Variants in SANBR observed in about 807,000 individuals in gnomAD.
SANBR encodes the protein SANT and BTB domain regulator of class switch recombination.
A neutral mutation model predicts 101.8 loss-of-function variants in SANBR; 77 were observed. The ratio of observed to expected loss-of-function variants is 0.76; its 90% CI spans 0.63 to 0.91. The LOEUF (loss-of-function observed/expected upper bound fraction) is 0.91. Ranked by LOEUF, SANBR falls within the 40% of genes least tolerant of loss-of-function variation. The probability of loss-of-function intolerance (pLI) is 0.00; values close to 1 mark genes in which losing one functional copy is unlikely to be tolerated. For synonymous variants in SANBR, 279 were observed against 274.7 expected, an observed-to-expected ratio of 1.02 and a Z score of -0.15; for missense variants, 875 against 853.0, an observed-to-expected ratio of 1.03 and a Z score of -0.32.
At chr2:61,113,083 T>C (rs754829250) in intron 16 of SANBR, among the ~76,000 whole-genome samples, 5 of 152,220 alleles carry the variant, frequency 3.3e-5, no homozygotes, top group Non-Finnish European at 7.3e-5. Flanking sequence ...GAAAAGACTA[T>C]TCTGTTCTAA....
At chr2:61,084,241 A>G (rs1232765002) in intron 8 of SANBR, among the ~76,000 whole-genome samples, 1 of 152,216 alleles carries the variant, frequency 6.6e-6, no homozygotes, top group African/African-American at 2.4e-5. Context: ...GGTGTGAGCC[A>G]CCATGCCTGG....
chr2:61,099,539 T>A (rs1573632611), intron 12 of SANBR, among the ~76,000 whole-genome samples: 1 of 152,240 alleles, frequency 6.6e-6, no homozygotes, highest in East Asian at 1.9e-4. Context: ...TGAGTTCTGT[T>A]TTGGACATTT....
At chr2:61,094,792 C>T (rs921001308) in intron 11 of SANBR, among the ~76,000 whole-genome samples, 17 of 151,936 alleles carry the variant, frequency 1.1e-4, no homozygotes, top group Admixed American at 8.5e-4. Flanking sequence ...TACTGGCATG[C>T]GCCACATCAC....
intron 12 of SANBR, 44 bp downstream of exon 12, chr2:61,097,896 A>G (rs990299943): frequency 4.6e-6 from 7 of 1,506,902 alleles, no homozygotes; most frequent in Middle Eastern, 1.7e-4. Flanking sequence ...TTTTTAAAGT[A>G]TAACAGTAAT....
At chr2:61,084,186 T>C (rs1320476774) in intron 8 of SANBR, among the ~76,000 whole-genome samples, 2 of 152,084 alleles carry the variant, frequency 1.3e-5, no homozygotes, top group Non-Finnish European at 2.9e-5. Context: ...ACTCCTGGGC[T>C]CAAGCAATCC....
intron 6 of SANBR, among the ~76,000 whole-genome samples, chr2:61,080,459 A>C (rs1210744181): frequency 6.6e-6 from 1 of 152,172 alleles, no homozygotes; most frequent in Non-Finnish European, 1.5e-5. Flanking sequence ...GTGGTGGCTC[A>C]CGCCTGTAAT....
intron 20 of SANBR, among the ~76,000 whole-genome samples, chr2:61,118,356 C>G (rs1338019150): frequency 6.6e-6 from 1 of 152,024 alleles, no homozygotes; most frequent in Non-Finnish European, 1.5e-5. Flanking sequence ...ATTCTCCTCC[C>G]TCAGCCTCCC....
chr2:61,107,596 C>A (rs1683634760), intron 14 of SANBR, among the ~76,000 whole-genome samples: 1 of 152,168 alleles, frequency 6.6e-6, no homozygotes, highest in African/African-American at 2.4e-5. Context: ...TTATAAACTT[C>A]AGACAGCTAT....
At chr2:61,072,850 T>TA (rs1681554536) in intron 4 of SANBR, among the ~76,000 whole-genome samples, 3 of 105,186 alleles carry the variant, frequency 2.9e-5, no homozygotes, top group South Asian at 2.6e-4. Flanking sequence ...TTTTTTTTTT[T>TA]ATACAGGTAC....
At chr2:61,096,990 C>T (rs1683061443) in intron 11 of SANBR, among the ~76,000 whole-genome samples, 1 of 152,054 alleles carries the variant, frequency 6.6e-6, no homozygotes, top group South Asian at 2.1e-4. Context: ...CCTGTCTCTA[C>T]TAAAAATAGA....
At chr2:61,133,162 G>A (rs1365602653) in intron 20 of SANBR, among the ~76,000 whole-genome samples, 1 of 152,150 alleles carries the variant, frequency 6.6e-6, no homozygotes, top group East Asian at 1.9e-4. Context: ...TGAGGCACAA[G>A]AATCGCTTGA....
At chr2:61,130,021 T>C (rs1391654905) in intron 20 of SANBR, among the ~76,000 whole-genome samples, 1 of 152,118 alleles carries the variant, frequency 6.6e-6, no homozygotes, top group Admixed American at 6.5e-5. Context: ...TATATCTCTT[T>C]GGAATTTATT....
In SANBR at chr2:61,123,393, G is replaced by A; in HGVS notation, c.*1231G>A. 2 of 984,426 alleles carry A rather than the reference G, an allele frequency of 2.0e-6. No individual in the cohort carries two copies. Among genetic ancestry groups the A allele is most frequent in the Non-Finnish European group, 2.4e-6 (2 of 828,910 alleles). 61.0% of individuals were successfully genotyped at this position (984,426 alleles called of 1,614,324 possible). Reference sequence around the variant, plus strand: ...GTACAGAAATCATTCTTTTTAGTGAGTCTTTTAGTTGATAAATGAAGCTAG... The same window carrying A: ...GTACAGAAATCATTCTTTTTAGTGAATCTTTTAGTTGATAAATGAAGCTAG... On this transcript the variant is annotated 3_prime_UTR_variant, in exon 22 of 22. Coordinates refer to ENST00000402291, the MANE Select transcript of SANBR (RefSeq NM_001129993.3).
rs1208324637 is a variant in SANBR, at chr2:61,123,520, CTTT to C, written c.*1360_*1362del. 1 of 969,854 alleles carries C rather than the reference CTTT, an allele frequency of 1.0e-6. No individual in the cohort carries two copies. Among genetic ancestry groups the C allele is most frequent in the Non-Finnish European group, 1.2e-6 (1 of 815,918 alleles). 60.1% of individuals were successfully genotyped at this position (969,854 alleles called of 1,614,324 possible). A position where few individuals can be genotyped will look rare whatever the true frequency, so the allele number is the denominator to read the frequency against. On this transcript the variant is annotated 3_prime_UTR_variant, in exon 22 of 22. Transcript: ENST00000402291. ...AATTGTTTGATACTGTGGAAATAGACTTTTATTTTCGAAAGAAAATGTCTTGTA... is the reference window on the plus strand; with the variant it reads ...AATTGTTTGATACTGTGGAAATAGACTATTTTCGAAAGAAAATGTCTTGTA...
At position 61,123,803 on chromosome 2, in the gene SANBR, T is replaced by C; in HGVS notation, c.*1641T>C. The C allele has an allele frequency of 5.1e-6, 5 of 985,522 alleles. No homozygotes were observed. Among genetic ancestry groups the C allele is most frequent in the Non-Finnish European group, 6.0e-6 (5 of 829,876 alleles). The allele number at this position is 985,522 out of a possible 1,614,324, so 61.0% of individuals were successfully genotyped here. A position where few individuals can be genotyped will look rare whatever the true frequency, so the allele number is the denominator to read the frequency against. On this transcript the variant is annotated 3_prime_UTR_variant, in exon 22 of 22. Transcript: ENST00000402291. ...TATCAGAATTTGATTCTCTTCAGAA[T>C]GCTTTTGGCCAGGTGTAGTGGCTCA...
chr2:61,103,790 G>C, intron 12 of SANBR, 63 bp from the exon 13 acceptor site: 1 of 1,453,980 alleles, frequency 6.9e-7, no homozygotes, highest in African/African-American at 1.4e-5. Flanking sequence ...AAGAAAAACA[G>C]TGATCTTTAA....
intron 6 of SANBR, among the ~76,000 whole-genome samples, chr2:61,078,718 G>A (rs1489634742): frequency 3.3e-5 from 5 of 151,932 alleles, no homozygotes; most frequent in African/African-American, 4.8e-5. Context: ...CACGGCGCCC[G>A]ACCTAATATT....
In SANBR at chr2:61,117,531, A is replaced by G. The variant is rs1257875838; in HGVS notation, c.1930A>G (p.Arg644Gly). 2 of 1,612,612 alleles carry G rather than the reference A, an allele frequency of 1.2e-6. No homozygotes were observed. Among genetic ancestry groups the G allele is most frequent in the Non-Finnish European group, 1.7e-6 (2 of 1,178,806 alleles). ...CTTGAGATTCAACCAGGATGCACAA[A>G]GAGAAGACGGTAAATTTTATTATTT... ...RSLRFNQDAQ[R>G]EDDQRRMTEI... The change falls in exon 19 of 22, where the codon AGA becomes GGA. Residue 644 changes from arginine to glycine, a missense_variant. Arg to Gly is a moderately radical substitution (Grantham distance 125). Transcript: ENST00000402291.
intron 11 of SANBR, chr2:61,094,009 C>T: frequency 2.5e-6 from 2 of 785,246 alleles, no homozygotes; most frequent in Non-Finnish European, 3.1e-6. Flanking sequence ...AGTAATTTTC[C>T]TCTGTCACTT....
Sources: allele counts gnomAD v4.1 joint callset (sites outside exome capture counted in the v4.1 genomes callset), GRCh38; gene constraint gnomAD v4.1.1; transcripts MANE v1.5; gene names NCBI Gene and HGNC (gene_info 2026-07-23, HGNC 2026-07-21).